Variants in FHOD3 observed in about 807,000 individuals in gnomAD.
FHOD3 encodes the protein formin homology 2 domain containing 3, also known as FH1/FH2 domain-containing protein 3.
FHOD3 carries 90 observed loss-of-function variants against 173.0 expected under a neutral mutation model. The observed-to-expected ratio is 0.52, with a 90% CI of 0.44 to 0.62. The LOEUF is 0.62. FHOD3 is among the 20% of genes least tolerant of loss of function. The pLI, the probability that FHOD3 is intolerant of heterozygous loss-of-function variation, is 0.00. For synonymous variants in FHOD3, 828 were observed against 823.0 expected (o/e 1.01, Z -0.10); for missense variants, 1,945 against 2,034.7 (o/e 0.96, Z 0.85).
At chr18:36,411,531 C>T (rs7245172) in intron 3 of FHOD3, among the ~76,000 whole-genome samples, 65 of 151,990 alleles carry the variant, frequency 4.3e-4, no homozygotes, top group Non-Finnish European at 8.2e-4. Flanking sequence ...CCTTTTTGTT[C>T]CTATTTTTTA....
intron 1 of FHOD3, among the ~76,000 whole-genome samples, chr18:36,298,757 A>G (rs1488779731): frequency 4.6e-5 from 5 of 108,242 alleles, no homozygotes; most frequent in African/African-American, 1.7e-4. Context: ...CCCGTTAGAG[A>G]GGTTTTTTTT....
intron 3 of FHOD3, among the ~76,000 whole-genome samples, chr18:36,441,606 G>A (rs1162180702): frequency 1.3e-5 from 2 of 152,190 alleles, no homozygotes; most frequent in Admixed American, 6.5e-5. Flanking sequence ...TGTGTCTGCT[G>A]GTAGGCTCCT....
At chr18:36,574,929 A>AT (rs968795560) in intron 5 of FHOD3, among the ~76,000 whole-genome samples, 77 of 150,268 alleles carry the variant, frequency 5.1e-4, no homozygotes, top group African/African-American at 1.8e-3. Context: ...TTAGGAGCAT[A>AT]TTTTTTCTCA....
chr18:36,507,264 T>C (rs996053437), intron 4 of FHOD3, among the ~76,000 whole-genome samples: 2 of 152,260 alleles, frequency 1.3e-5, no homozygotes, highest in Admixed American at 6.5e-5. Context: ...TGGTTCAGTA[T>C]TCACACAAAC....
At chr18:36,722,437 C>A (rs2040839866) in intron 19 of FHOD3, among the ~76,000 whole-genome samples, 1 of 152,114 alleles carries the variant, frequency 6.6e-6, no homozygotes, top group African/African-American at 2.4e-5. Context: ...ACTTTGGGGA[C>A]CTGATGTTGT....
In FHOD3 at chr18:36,307,609, G is replaced by A. The variant is rs187527152; in HGVS notation, c.165+9609G>A. 1.8e-3 allele frequency among the ~76,000 whole-genome samples: 279 copies of A among 152,348 alleles called. 2 individuals carry two copies. The highest frequency in any genetic ancestry group is 3.3e-3 in the Non-Finnish European group (222 of 68,042). On this transcript the variant is annotated intron_variant, in intron 1 of 28. Transcript: ENST00000590592. Reference sequence around the variant, plus strand: ...TCAGTATGTGTTTATTGATGTGCATGTGTCTTGTACTCTAAAGTATCTTCA... The same window carrying A: ...TCAGTATGTGTTTATTGATGTGCATATGTCTTGTACTCTAAAGTATCTTCA...
chr18:36,455,568 C>T (rs367779484), intron 3 of FHOD3, among the ~76,000 whole-genome samples: 8 of 116,566 alleles, frequency 6.9e-5, no homozygotes, highest in African/African-American at 2.0e-4. Context: ...GTTCATTAAA[C>T]CTTTAATTAA....
chr18:36,582,342 G>A lies in FHOD3; in HGVS notation c.606+5797G>A, dbSNP rs1047966514. ...AGAGCTGAAGACCTTTGTAAGTTACGTAATGTAAATAATAGAATCCTAGCC... is the reference window on the plus strand; with the variant it reads ...AGAGCTGAAGACCTTTGTAAGTTACATAATGTAAATAATAGAATCCTAGCC... On this transcript the variant is annotated intron_variant, in intron 6 of 28. Transcript: ENST00000590592. Among the ~76,000 whole-genome samples the A allele has an allele frequency of 5.3e-5, 8 of 152,148 alleles. 1 individual carries two copies. The highest frequency in any genetic ancestry group is 3.3e-4 in the Admixed American group (5 of 15,276).
intron 3 of FHOD3, among the ~76,000 whole-genome samples, chr18:36,421,236 A>T (rs755158800): frequency 1.3e-5 from 2 of 152,242 alleles, no homozygotes; most frequent in East Asian, 1.9e-4. Context: ...TGCCACAATG[A>T]TAGTCACGTG....
At chr18:36,381,169 A>G (rs1194532588) in intron 3 of FHOD3, among the ~76,000 whole-genome samples, 3 of 152,232 alleles carry the variant, frequency 2.0e-5, no homozygotes, top group African/African-American at 7.2e-5. Flanking sequence ...ATGTCTTTAG[A>G]AACATTTGCC....
chr18:36,374,763 G>T (rs1304864990), intron 3 of FHOD3, among the ~76,000 whole-genome samples: 4 of 152,206 alleles, frequency 2.6e-5, no homozygotes, highest in African/African-American at 9.6e-5. Context: ...AGAACTATTT[G>T]TGCCTCATCA....
intron 5 of FHOD3, among the ~76,000 whole-genome samples, chr18:36,561,595 TG>T (rs1257036440): frequency 1.3e-5 from 2 of 152,236 alleles, no homozygotes; most frequent in Admixed American, 1.3e-4. Context: ...TAACCATTTT[TG>T]TACAATTCAA....
At chr18:36,681,683 CTG>C in intron 15 of FHOD3, 113 bp downstream of exon 15, 1 of 1,293,164 alleles carries the variant, frequency 7.7e-7, no homozygotes, top group Non-Finnish European at 1.0e-6. Flanking sequence ...AAAATTCTGT[CTG>C]TATTTTTAAG....
At chr18:36,673,380 T>G (rs2037655431) in intron 14 of FHOD3, among the ~76,000 whole-genome samples, 1 of 152,246 alleles carries the variant, frequency 6.6e-6, no homozygotes, top group South Asian at 2.1e-4. Flanking sequence ...GTATGTAATT[T>G]TGGTTCTTTC....
intron 10 of FHOD3, among the ~76,000 whole-genome samples, chr18:36,647,724 T>G (rs1170021477): frequency 6.6e-6 from 1 of 152,202 alleles, no homozygotes; most frequent in Non-Finnish European, 1.5e-5. Context: ...ATGGGTAAAC[T>G]ACTGGAATAC....
chr18:36,333,221 C>T (rs1032997114), intron 1 of FHOD3, among the ~76,000 whole-genome samples: 3 of 152,094 alleles, frequency 2.0e-5, no homozygotes, highest in African/African-American at 4.8e-5. Flanking sequence ...TAGACTTTAT[C>T]GGGTTCTAAT....
chr18:36,306,207 G>A (rs1266261396), intron 1 of FHOD3, among the ~76,000 whole-genome samples: 2 of 152,206 alleles, frequency 1.3e-5, no homozygotes, highest in Non-Finnish European at 2.9e-5. Context: ...CCAACAGAGA[G>A]GACATTTGCA....
rs1342672274 is a variant in FHOD3, at chr18:36,548,725, A to T, written c.512-27726A>T. Among the ~76,000 whole-genome samples, 5 of 152,194 alleles carry T rather than the reference A, an allele frequency of 3.3e-5. No homozygotes were observed. In the South Asian group the frequency reaches 1.0e-3, roughly 32 times the overall value. On this transcript the variant is annotated intron_variant, in intron 5 of 28. Coordinates refer to ENST00000590592, the MANE Select transcript of FHOD3 (RefSeq NM_001281740.3). ...TATTGTCTGGCTTCTTTCACTCAGC[A>T]TACTTCTTTCACACGTCGCATGGTC...
chr18:36,739,474 C>T (rs1428300423), intron 20 of FHOD3, among the ~76,000 whole-genome samples: 3 of 152,200 alleles, frequency 2.0e-5, no homozygotes, highest in Admixed American at 2.0e-4. Context: ...TTGGGGCTCA[C>T]CTGTCCTGCA....
Sources: gnomAD v4.1 joint callset for allele counts (sites outside exome capture counted in the v4.1 genomes callset) on GRCh38, gnomAD v4.1.1 for gene constraint, MANE v1.5 for transcripts, NCBI Gene and HGNC (gene_info 2026-07-23, HGNC 2026-07-21) for gene names.